TRIM5: variants seen among roughly 807,000 people sequenced by gnomAD.
The protein encoded by TRIM5 is tripartite motif containing 5.
TRIM5 carries 31 observed loss-of-function variants against 35.6 expected under a neutral mutation model. The observed-to-expected ratio is 0.87, with a 90% CI of 0.65 to 1.18. The LOEUF (loss-of-function observed/expected upper bound fraction) is 1.18, where lower values mean the gene tolerates loss of function less well. Among genes scored for constraint, TRIM5 ranks in the 50% most tolerant of loss-of-function variants. The probability of loss-of-function intolerance (pLI) is 0.00; values close to 1 mark genes in which losing one functional copy is unlikely to be tolerated. For missense variants in TRIM5, 609 were observed against 591.6 expected (o/e 1.03, Z -0.31); for synonymous variants, 243 against 215.6 (o/e 1.13, Z -1.11).
the TRIM5 span, chr11:5,643,569 A>G: frequency 6.2e-7 from 1 of 1,614,034 alleles, no homozygotes; most frequent in South Asian, 1.1e-5. Flanking sequence ...TGAAGCAGGC[A>G]TTGTCTCATT....
At chr11:5,653,073 C>T in the TRIM5 span, among the ~76,000 whole-genome samples, 7 of 152,064 alleles carry the variant, frequency 4.6e-5, no homozygotes, top group Admixed American at 3.3e-4. Flanking sequence ...AGGATGGTCT[C>T]GATCTCCTGA....
the TRIM5 span, chr11:5,644,247 C>T: frequency 2.0e-5 from 8 of 398,700 alleles, no homozygotes; most frequent in Non-Finnish European, 3.1e-5. Flanking sequence ...ATGATGAATA[C>T]TTTCTCAGTT....
chr11:5,591,371 G>C, the TRIM5 span, among the ~76,000 whole-genome samples: 550 of 152,278 alleles, frequency 3.6e-3, 3 homozygotes, highest in African/African-American at 0.012. Context: ...ATGGTTAGCC[G>C]GGCGTGGTGG....
At chr11:5,614,084 T>C in the TRIM5 span, among the ~76,000 whole-genome samples, 1 of 152,310 alleles carries the variant, frequency 6.6e-6, no homozygotes, top group East Asian at 1.9e-4. Context: ...TGACCTTTTC[T>C]TGAGGGGTTA....
At chr11:5,649,981 A>T in the TRIM5 span, among the ~76,000 whole-genome samples, 2 of 152,200 alleles carry the variant, frequency 1.3e-5, no homozygotes, top group African/African-American at 4.8e-5. Context: ...GAACATAGCA[A>T]GTTCAGTAAA....
At chr11:5,676,638 T>C (rs2134096403) in intron 4 of TRIM5, among the ~76,000 whole-genome samples, 1 of 150,860 alleles carries the variant, frequency 6.6e-6, no homozygotes, top group South Asian at 2.1e-4. Flanking sequence ...AGAGCCCGCA[T>C]CACCAAGGCA....
the TRIM5 span, among the ~76,000 whole-genome samples, chr11:5,597,926 T>TATTA: frequency 0.5 from 75,035 of 151,582 alleles, 18,953 homozygotes; most frequent in Middle Eastern, 0.71. Flanking sequence ...AGAACTTTAA[T>TATTA]ATTAAAGTGC....
chr11:5,653,848 ATTGTT>A, the TRIM5 span, among the ~76,000 whole-genome samples: 1 of 151,692 alleles, frequency 6.6e-6, no homozygotes, highest in East Asian at 1.9e-4. Flanking sequence ...TATTTTTAGT[ATTGTT>A]TTTTGTTTTT....
the TRIM5 span, among the ~76,000 whole-genome samples, chr11:5,657,481 T>A: frequency 7.5e-6 from 1 of 133,288 alleles, no homozygotes; most frequent in East Asian, 2.1e-4. Flanking sequence ...TATTTATATA[T>A]AATGCATTTA....
At chr11:5,592,037 T>C in the TRIM5 span, among the ~76,000 whole-genome samples, 12 of 152,118 alleles carry the variant, frequency 7.9e-5, no homozygotes, top group Admixed American at 5.9e-4. Flanking sequence ...CCAAAAGAGG[T>C]CTGATCTATA....
intron 4 of TRIM5, among the ~76,000 whole-genome samples, chr11:5,671,637 A>G (rs932015959): frequency 3.9e-5 from 6 of 152,110 alleles, no homozygotes; most frequent in African/African-American, 1.4e-4. Context: ...TTTAAAGAAC[A>G]GAGGGAAAAA....
chr11:5,622,272 T>C, the TRIM5 span, among the ~76,000 whole-genome samples: 1 of 151,986 alleles, frequency 6.6e-6, no homozygotes, highest in Non-Finnish European at 1.5e-5. Flanking sequence ...GGTGAAACCC[T>C]GCCTCTATTA....
At chr11:5,668,964 T>C (rs1851350425) in intron 4 of TRIM5, among the ~76,000 whole-genome samples, 1 of 152,254 alleles carries the variant, frequency 6.6e-6, no homozygotes, top group African/African-American at 2.4e-5. Context: ...CCAACCATAC[T>C]GTCTTCTCTC....
the TRIM5 span, chr11:5,595,116 C>G: frequency 6.6e-6 from 1 of 152,218 alleles, no homozygotes; most frequent in Non-Finnish European, 1.5e-5. Flanking sequence ...TGATACTTAA[C>G]CCAGCTCTCT....
In TRIM5 at chr11:5,678,264, C is replaced by G; in HGVS notation, c.684G>C (p.Leu228=). ...ETEMVQQTQS[L]RELISDLEHR... is the part of the protein sequence containing the mutation. ...GCTCCAGATCTGAGATGAGCTCTCT[C>G]AGGGACTGGGTCTGCTGCACCATCT... Residue 228 remains leucine (L), a synonymous_variant, in exon 4 of 8, where the codon CTG becomes CTC. Coordinates refer to ENST00000380034, the MANE Select transcript of TRIM5 (RefSeq NM_033034.3). 3 of 1,614,132 alleles carry G rather than the reference C, an allele frequency of 1.9e-6. No homozygotes were observed. The highest frequency in any genetic ancestry group is 2.5e-6 in the Non-Finnish European group (3 of 1,179,982).
At chr11:5,606,209 C>T in the TRIM5 span, among the ~76,000 whole-genome samples, 1 of 152,206 alleles carries the variant, frequency 6.6e-6, no homozygotes, top group African/African-American at 2.4e-5. Context: ...ACTCTCTTCT[C>T]TAGAGCAGAA....
intron 4 of TRIM5, among the ~76,000 whole-genome samples, chr11:5,670,322 C>T (rs1383652987): frequency 6.7e-6 from 1 of 148,492 alleles, no homozygotes; most frequent in Non-Finnish European, 1.5e-5. Flanking sequence ...GGACTACAGG[C>T]TCCCACCACC....
the TRIM5 span, chr11:5,634,664 AC>A: frequency 1.2e-6 from 2 of 1,613,916 alleles, no homozygotes; most frequent in South Asian, 1.1e-5. Flanking sequence ...AAGGATACAA[AC>A]AGAATTTGAT....
chr11:5,633,993 G>A, the TRIM5 span: 1 of 1,359,738 alleles, frequency 7.4e-7, no homozygotes, highest in Non-Finnish European at 1.0e-6. Flanking sequence ...GACATTGCAT[G>A]AGTCCTGAAG....
Sources: allele counts gnomAD v4.1 joint callset (sites outside exome capture counted in the v4.1 genomes callset), GRCh38; gene constraint gnomAD v4.1.1; transcripts MANE v1.5; gene names NCBI Gene and HGNC (gene_info 2026-07-23, HGNC 2026-07-21).